The following ROBO2 variants were observed in gnomAD, a reference collection of about 807,000 sequenced individuals.
The protein encoded by ROBO2 is roundabout guidance receptor 2, also known as roundabout homolog 2.
In ROBO2, 53 loss-of-function variants were observed where a neutral mutation model predicts 160.8. That is an observed-to-expected ratio of 0.33 (90% confidence interval 0.26 to 0.41). The LOEUF (loss-of-function observed/expected upper bound fraction) is 0.41. Ranked by LOEUF, ROBO2 falls within the 10% of genes least tolerant of loss-of-function variation. The pLI is 1.00. For missense variants in ROBO2, 1,577 were observed against 1,722.4 expected (o/e 0.92, Z 1.49); for synonymous variants, 664 against 611.7 (o/e 1.09, Z -1.26).
At chr3:76,650,902 A>G (rs1388348934) in intron 2 of ROBO2, among the ~76,000 whole-genome samples, 1 of 152,200 alleles carries the variant, frequency 6.6e-6, no homozygotes, top group Non-Finnish European at 1.5e-5. Context: ...TGTAGTAAAA[A>G]CATGCACATT....
chr3:77,588,286 GGTCAACATTAAGTTACATGTTCTT>G, intron 16 of ROBO2, among the ~76,000 whole-genome samples: 1 of 151,916 alleles, frequency 6.6e-6, no homozygotes, highest in African/African-American at 2.4e-5. Flanking sequence ...AGAATATTAA[GGTCAACATTAAGTTACATGTTCTT>G]GTGAATTATG....
At chr3:77,414,115 C>T (rs752327275) in intron 2 of ROBO2, among the ~76,000 whole-genome samples, 13 of 151,900 alleles carry the variant, frequency 8.6e-5, no homozygotes, top group East Asian at 1.9e-4. Context: ...AAAGAAAAAC[C>T]GTAGCTAGTA....
chr3:76,078,280 G>A (rs72892701), intron 2 of ROBO2, among the ~76,000 whole-genome samples: 5,933 of 152,234 alleles, frequency 0.039, 347 homozygotes, highest in East Asian at 0.15. Flanking sequence ...AGATTCGGAT[G>A]TATTTGGAGA....
intron 2 of ROBO2, among the ~76,000 whole-genome samples, chr3:76,286,018 T>C (rs779896278): frequency 2.0e-5 from 3 of 152,190 alleles, no homozygotes; most frequent in Non-Finnish European, 2.9e-5. Context: ...AGGTAGGCAC[T>C]GCAGGTACAA....
rs1702609292 is a variant in ROBO2, at chr3:76,202,977, G to A, written c.109+265375G>A. 2.0e-5 allele frequency among the ~76,000 whole-genome samples: 3 copies of A among 151,428 alleles called. No homozygotes were observed. The South Asian group carries it at 6.2e-4, about 31-fold the overall frequency. ...TTTAGTAGCTGTGTGTAGTTCATGA[G>A]TCCAAACTGGATCACACTCTTCCCT... On this transcript the variant is annotated intron_variant, in intron 2 of 26. Transcript: ENST00000487694.
chr3:76,617,593 A>G (rs900358342), intron 2 of ROBO2, among the ~76,000 whole-genome samples: 2 of 152,160 alleles, frequency 1.3e-5, no homozygotes, highest in African/African-American at 4.8e-5. Flanking sequence ...AAGGATAACT[A>G]TGAAGACAGC....
intron 2 of ROBO2, among the ~76,000 whole-genome samples, chr3:76,157,739 C>A (rs1270603412): frequency 2.0e-5 from 3 of 152,078 alleles, no homozygotes; most frequent in Non-Finnish European, 2.9e-5. Context: ...ATTGAACTTC[C>A]TAATTTGTAA....
intron 2 of ROBO2, among the ~76,000 whole-genome samples, chr3:76,392,774 G>A (rs968754657): frequency 6.6e-6 from 1 of 152,104 alleles, no homozygotes; most frequent in South Asian, 2.1e-4. Context: ...AATCTACCAA[G>A]TTCTACATTT....
chr3:76,363,652 C>CA (rs564154656), intron 2 of ROBO2, among the ~76,000 whole-genome samples: 51 of 151,282 alleles, frequency 3.4e-4, no homozygotes, highest in African/African-American at 9.2e-4. Flanking sequence ...GCCTGTTTGT[C>CA]AAAAAAAATC....
chr3:75,909,007 C>T (rs188044390), intron 1 of ROBO2, among the ~76,000 whole-genome samples: 24 of 152,268 alleles, frequency 1.6e-4, no homozygotes, highest in Admixed American at 2.6e-4. Flanking sequence ...TTTCAGATTC[C>T]GTGGCAACAC....
intron 1 of ROBO2, among the ~76,000 whole-genome samples, chr3:77,054,570 C>A (rs1428309976): frequency 6.6e-6 from 1 of 152,080 alleles, no homozygotes; most frequent in Non-Finnish European, 1.5e-5. Context: ...ATGATAAAGA[C>A]TAGAGAAGGT....
intron 2 of ROBO2, among the ~76,000 whole-genome samples, chr3:76,231,769 G>A (rs1704634115): frequency 1.3e-5 from 2 of 152,164 alleles, no homozygotes; most frequent in African/African-American, 4.8e-5. Context: ...TTTTTAATGA[G>A]AAGTTAAGAC....
At chr3:77,478,618 T>C (rs562238633) in intron 3 of ROBO2, among the ~76,000 whole-genome samples, 50 of 152,238 alleles carry the variant, frequency 3.3e-4, no homozygotes, top group Non-Finnish European at 6.2e-4. Flanking sequence ...TCTGATATTA[T>C]TCAGTAGTAT....
intron 2 of ROBO2, among the ~76,000 whole-genome samples, chr3:77,331,508 T>G (rs2065960126): frequency 6.6e-6 from 1 of 152,176 alleles, no homozygotes; most frequent in Admixed American, 6.5e-5. Context: ...TTCTACTTGA[T>G]AGCAAAAACA....
chr3:76,434,820 G>A, intron 2 of ROBO2: 1 of 1,531,478 alleles, frequency 6.5e-7, no homozygotes, highest in African/African-American at 1.4e-5. Context: ...CCTGAATCAT[G>A]TATCTGATGA....
chr3:77,448,997 T>C (rs978283414), intron 2 of ROBO2, among the ~76,000 whole-genome samples: 2 of 152,160 alleles, frequency 1.3e-5, no homozygotes, highest in African/African-American at 2.4e-5. Flanking sequence ...GTAAAAATTG[T>C]TTATAAAAGT....
chr3:76,727,092 G>C (rs1013968176), intron 2 of ROBO2, among the ~76,000 whole-genome samples: 2 of 152,036 alleles, frequency 1.3e-5, no homozygotes, highest in Admixed American at 1.3e-4. Flanking sequence ...TGGTTTTCTT[G>C]ACTGTTGCAT....
chr3:76,452,115 G>C lies in ROBO2; in HGVS notation c.109+514513G>C, dbSNP rs185703209. Among the ~76,000 whole-genome samples, 30 of 152,066 alleles carry C rather than the reference G, an allele frequency of 2.0e-4. No individual in the cohort carries two copies. The South Asian group carries it at 3.7e-3, about 19-fold the overall frequency. ...TAATTCTTTGTTGAGAGAATATTTTGTTATACTATTAAACCTAAGAAATAT... is the reference window on the plus strand; with the variant it reads ...TAATTCTTTGTTGAGAGAATATTTTCTTATACTATTAAACCTAAGAAATAT... On this transcript the variant is annotated intron_variant, in intron 2 of 26. Transcript: ENST00000487694.
At chr3:75,964,112 A>C (rs1170946584) in intron 2 of ROBO2, among the ~76,000 whole-genome samples, 1 of 151,768 alleles carries the variant, frequency 6.6e-6, no homozygotes, top group Non-Finnish European at 1.5e-5. Flanking sequence ...TCACTTTGTT[A>C]ATAGGAAGCA....
Sources: allele counts gnomAD v4.1 joint callset (sites outside exome capture counted in the v4.1 genomes callset), GRCh38; gene constraint gnomAD v4.1.1; transcripts MANE v1.5; gene names NCBI Gene and HGNC (gene_info 2026-07-23, HGNC 2026-07-21).